The following FARP1 variants were observed in gnomAD, a reference collection of about 807,000 sequenced individuals.
FARP1 encodes the protein FERM, ARH/RhoGEF and pleckstrin domain protein 1.
In FARP1, 52 loss-of-function variants were observed where a neutral mutation model predicts 128.8. The ratio of observed to expected loss-of-function variants is 0.40; its 90% confidence interval spans 0.32 to 0.51. FARP1 has a LOEUF of 0.51. Ranked by LOEUF, FARP1 falls within the 20% of genes least tolerant of loss-of-function variation. FARP1 has a pLI of 0.45. For missense variants in FARP1, 1,333 were observed against 1,367.9 expected (o/e 0.97, Z 0.40); for synonymous variants, 580 against 551.8 (o/e 1.05, Z -0.72).
intron 12 of FARP1, among the ~76,000 whole-genome samples, chr13:98,394,731 T>TC (rs1890447695): frequency 6.6e-6 from 1 of 152,040 alleles, no homozygotes; most frequent in African/African-American, 2.4e-5. Flanking sequence ...CCCCAGGAGT[T>TC]CAAGCGCAGC....
intron 1 of FARP1, among the ~76,000 whole-genome samples, chr13:98,146,482 C>T (rs747166881): frequency 4.6e-5 from 7 of 152,224 alleles, no homozygotes; most frequent in Non-Finnish European, 7.3e-5. Context: ...CCCGCTTCGG[C>T]CTCTCAAAGT....
intron 2 of FARP1, among the ~76,000 whole-genome samples, chr13:98,241,652 A>G (rs1882779763): frequency 6.6e-6 from 1 of 152,144 alleles, no homozygotes; most frequent in Non-Finnish European, 1.5e-5. Context: ...GTGGTGGCTC[A>G]CGCCTGTAAT....
chr13:98,379,588 T>C (rs1285842092), intron 6 of FARP1, among the ~76,000 whole-genome samples: 1 of 152,112 alleles, frequency 6.6e-6, no homozygotes, highest in Non-Finnish European at 1.5e-5. Flanking sequence ...TTAATGTCCA[T>C]GGGGTATTGG....
chr13:98,389,826 G>A (rs1890238636), intron 9 of FARP1, 131 bp from the exon 10 acceptor site: 2 of 812,184 alleles, frequency 2.5e-6, no homozygotes, highest in East Asian at 2.5e-5. Context: ...TCTTTGCACT[G>A]ATGGTCATGC....
chr13:98,439,869 C>T, intron 21 of FARP1, 92 bp from the exon 22 acceptor site: 1 of 907,614 alleles, frequency 1.1e-6, no homozygotes. Flanking sequence ...TCAGGGGCAC[C>T]CCTCCTTTTC....
chr13:98,360,023 A>G (rs1047147069), intron 3 of FARP1, among the ~76,000 whole-genome samples: 2 of 151,990 alleles, frequency 1.3e-5, no homozygotes, highest in Non-Finnish European at 2.9e-5. Flanking sequence ...GTCCCCTCCA[A>G]AATTGTGTGT....
chr13:98,230,674 C>T (rs1020141609), intron 2 of FARP1, among the ~76,000 whole-genome samples: 11 of 151,978 alleles, frequency 7.2e-5, no homozygotes, highest in African/African-American at 2.7e-4. Flanking sequence ...ATACATGGTG[C>T]GTGTTCCTCA....
chr13:98,154,088 C>G (rs904482507), intron 1 of FARP1, among the ~76,000 whole-genome samples: 1 of 152,180 alleles, frequency 6.6e-6, no homozygotes, highest in Non-Finnish European at 1.5e-5. Flanking sequence ...AGCCTAATGT[C>G]TTTGTGATTC....
chr13:98,270,296 G>T (rs760471068), intron 2 of FARP1, among the ~76,000 whole-genome samples: 1 of 152,054 alleles, frequency 6.6e-6, no homozygotes, highest in African/African-American at 2.4e-5. Context: ...GTTGAATGAA[G>T]ATTGAGCTGT....
Position 98,431,048 on chromosome 13 carries a change from G to C in FARP1, c.1911G>C (p.Leu637=), listed in dbSNP as rs1891993435. 3 of 1,611,926 alleles carry C rather than the reference G, an allele frequency of 1.9e-6. 1 individual carries two copies. The highest frequency in any genetic ancestry group is 3.3e-5 in the Admixed American group (2 of 59,898). ...CTCCTCTGTTGCCTCCCAAGCACCT[G>C]GCGGCTCACCTGTGGAAGCACAGCG... ...MLKNIQGMKH[L]AAHLWKHSEA... The change falls in exon 18 of 27, where the codon CTG becomes CTC. Residue 637 remains leucine (L), a synonymous_variant. Transcript: ENST00000319562.
At position 98,449,885 on chromosome 13, in the gene FARP1, C is replaced by CA. The variant is rs1319661637; in HGVS notation, c.*1569dup. On this transcript the variant is annotated 3_prime_UTR_variant, in exon 27 of 27. Transcript: ENST00000319562. ...AGTGACACAGGGAGGGCCTGCCCCC[C>CA]ACTGTTCCCTATGCTCCCCCCACCT... The CA allele has an allele frequency of 6.6e-6, 1 of 152,334 alleles. No individual in the cohort carries two copies. The highest frequency in any genetic ancestry group is 6.6e-5 in the Admixed American group (1 of 15,258). 9.4% of individuals were successfully genotyped at this position (152,334 alleles called of 1,614,324 possible).
chr13:98,384,534 A>G (rs1890024089), intron 6 of FARP1, 196 bp from the exon 7 acceptor site: 1 of 591,122 alleles, frequency 1.7e-6, no homozygotes, highest in Non-Finnish European at 3.0e-6. Context: ...GAGGGGAGAA[A>G]ACTGTCTTCT....
At chr13:98,305,116 A>ATTTT in intron 2 of FARP1, among the ~76,000 whole-genome samples, 1 of 24,478 alleles carries the variant, frequency 4.1e-5, no homozygotes, top group African/African-American at 1.0e-4. Context: ...ATATATATAT[A>ATTTT]TATTTTTTAA....
intron 2 of FARP1, chr13:98,333,326 GA>G (rs766764328): frequency 1.3e-4 from 20 of 151,904 alleles, no homozygotes; most frequent in Non-Finnish European, 2.8e-4. Context: ...TCAAGATCAG[GA>G]GATGACAAAC....
intron 1 of FARP1, among the ~76,000 whole-genome samples, chr13:98,146,778 C>T (rs572551613): frequency 4.7e-4 from 71 of 152,308 alleles, no homozygotes; most frequent in African/African-American, 1.7e-3. Flanking sequence ...GGGTTTTAGG[C>T]TCTCGTGGCA....
chr13:98,232,145 G>GTTTTTTTTTTTTTTTTTTTTTTTTTTTT (rs59209045), intron 2 of FARP1, among the ~76,000 whole-genome samples: 1 of 105,790 alleles, frequency 9.5e-6, no homozygotes, highest in African/African-American at 3.8e-5. Context: ...TGTTTGGTTG[G>GTTTTTTTTTTTTTTTTTTTTTTTTTTTT]TTTTTTTTTT....
At chr13:98,391,023 C>A in intron 11 of FARP1, 143 bp downstream of exon 11, 2 of 650,918 alleles carry the variant, frequency 3.1e-6, no homozygotes, top group Middle Eastern at 2.8e-4. Context: ...TCATCCTCAG[C>A]AAGTCCAGTG....
chr13:98,261,824 G>T (rs1377119463), intron 2 of FARP1, among the ~76,000 whole-genome samples: 2 of 152,094 alleles, frequency 1.3e-5, no homozygotes, highest in East Asian at 1.9e-4. Flanking sequence ...AGAACTCACT[G>T]TTGCTGTGGG....
rs867963754 is a variant in FARP1, at chr13:98,454,015, A to G, written c.*5698A>G. 20 of 152,180 alleles carry G rather than the reference A, an allele frequency of 1.3e-4. No individual in the cohort carries two copies. Among genetic ancestry groups the G allele is most frequent in the African/African-American group, 4.3e-4 (18 of 41,430 alleles). 9.4% of individuals were successfully genotyped at this position (152,180 alleles called of 1,614,324 possible). A position where few individuals can be genotyped will look rare whatever the true frequency, so the allele number is the denominator to read the frequency against. Reference sequence around the variant, plus strand: ...CCTTTGAGCCCCATGCTGGCGCTCAAAAGTTTCAGATTGGGGATTTGGGAT... The same window carrying G: ...CCTTTGAGCCCCATGCTGGCGCTCAGAAGTTTCAGATTGGGGATTTGGGAT... On this transcript the variant is annotated 3_prime_UTR_variant, in exon 27 of 27. Transcript: ENST00000319562.
Sources: gnomAD v4.1 joint callset for allele counts (sites outside exome capture counted in the v4.1 genomes callset) on GRCh38, gnomAD v4.1.1 for gene constraint, MANE v1.5 for transcripts, NCBI Gene and HGNC (gene_info 2026-07-23, HGNC 2026-07-21) for gene names.